Variants in ZEB2 observed in about 807,000 individuals in gnomAD.
ZEB2 encodes the protein zinc finger E-box-binding homeobox 2.
In ZEB2, 6 loss-of-function variants were observed where a neutral mutation model predicts 99.9. The ratio of observed to expected loss-of-function variants is 0.06; its 90% CI spans 0.03 to 0.12. ZEB2 has a LOEUF of 0.12. ZEB2 is among the 10% of genes least tolerant of loss of function. ZEB2 has a pLI of 1.00. For synonymous variants in ZEB2, 517 were observed against 542.5 expected (o/e 0.95, Z 0.65); for missense variants, 969 against 1,502.8 (o/e 0.64, Z 5.87).
intron 9 of ZEB2, among the ~76,000 whole-genome samples, chr2:144,392,387 C>T (rs914868824): frequency 3.3e-5 from 5 of 152,188 alleles, no homozygotes; most frequent in Admixed American, 2.0e-4. Context: ...TTTCAAGGCC[C>T]GTTAGCAATG....
intron 2 of ZEB2, among the ~76,000 whole-genome samples, chr2:144,460,121 A>G (rs1029387306): frequency 2.0e-5 from 3 of 152,154 alleles, no homozygotes; most frequent in African/African-American, 7.2e-5. Context: ...TCTGAATGCA[A>G]TTCTGGCTTT....
chr2:144,469,635 G>C (rs1357890231), intron 2 of ZEB2, among the ~76,000 whole-genome samples: 2 of 152,120 alleles, frequency 1.3e-5, no homozygotes, highest in African/African-American at 2.4e-5. Flanking sequence ...CCTTTGGGCT[G>C]TTATTTATAT....
At chr2:144,518,190 T>A (rs548073296) in intron 1 of ZEB2, 4 of 151,162 alleles carry the variant, frequency 2.6e-5, no homozygotes, top group Non-Finnish European at 5.9e-5. Context: ...CAGTAGAATT[T>A]TTTTTTTCCC....
Position 144,459,157 on chromosome 2 carries a change from T to C in ZEB2, c.74-29131A>G, listed in dbSNP as rs547158248. On this transcript the variant is annotated intron_variant, in intron 2 of 9. Transcript: ENST00000627532. ...CCATAACCCACGTCAGCCCAAGCTT[T>C]AAGCATTAGGTAGCTACTGGAGATC... 4.6e-5 allele frequency among the ~76,000 whole-genome samples: 7 copies of C among 152,320 alleles called. No individual in the cohort carries two copies. In the South Asian group the frequency reaches 1.4e-3, roughly 32 times the overall value.
chr2:144,408,485 A>G (rs1386693210), intron 4 of ZEB2, among the ~76,000 whole-genome samples: 1 of 152,216 alleles, frequency 6.6e-6, no homozygotes, highest in Non-Finnish European at 1.5e-5. Flanking sequence ...AATCATTTAA[A>G]TCCATTTGCT....
chr2:144,404,219 G>A, intron 5 of ZEB2, 89 bp from the exon 6 acceptor site: 7 of 1,427,028 alleles, frequency 4.9e-6, no homozygotes, highest in African/African-American at 1.4e-5. Context: ...GGGATGGTAT[G>A]ACAGGAATCA....
At chr2:144,466,116 G>C (rs919754236) in intron 2 of ZEB2, among the ~76,000 whole-genome samples, 1 of 152,122 alleles carries the variant, frequency 6.6e-6, no homozygotes, top group African/African-American at 2.4e-5. Flanking sequence ...TCTTCACAAG[G>C]TGCATCATTT....
chr2:144,459,997 G>T (rs1166717637), intron 2 of ZEB2, among the ~76,000 whole-genome samples: 3 of 152,098 alleles, frequency 2.0e-5, no homozygotes, highest in Non-Finnish European at 4.4e-5. Flanking sequence ...ATGAAGAAAG[G>T]TTACCCTCCG....
At chr2:144,516,222 A>ACCCC in intron 2 of ZEB2, 1 of 89,692 alleles carries the variant, frequency 1.1e-5, no homozygotes, top group African/African-American at 4.2e-5. Flanking sequence ...CAGCTCCCCC[A>ACCCC]CCCCCCCCCG....
At chr2:144,431,304 C>T (rs1703766763) in intron 2 of ZEB2, among the ~76,000 whole-genome samples, 1 of 152,012 alleles carries the variant, frequency 6.6e-6, no homozygotes, top group Admixed American at 6.6e-5. Context: ...TTGGAGAATT[C>T]TGGAAACATG....
rs1293023083 is a variant in ZEB2, at chr2:144,387,446, T to C, written c.*2005A>G. The C allele has an allele frequency of 6.6e-6, 1 of 152,190 alleles. No individual in the cohort carries two copies. Among genetic ancestry groups the C allele is most frequent in the Non-Finnish European group, 1.5e-5 (1 of 68,016 alleles). The allele number at this position is 152,190 out of a possible 1,614,324, so 9.4% of individuals were successfully genotyped here. A position where few individuals can be genotyped will look rare whatever the true frequency, so the allele number is the denominator to read the frequency against. ...TATTCTGAATATTAGGGTCATCTTG[T>C]AAAAACTGAAAAACTGTCTTAGAAA... On this transcript the variant is annotated 3_prime_UTR_variant, in exon 10 of 10. Coordinates refer to ENST00000627532, the MANE Select transcript of ZEB2 (RefSeq NM_014795.4).
rs1410917002 is a variant in ZEB2 at position 144,385,957 on chromosome 2, T to A, written c.*3494A>T. ...CCAGTCCAATTCATGCTAAGGAAGA[T>A]GTATGTTTTGTTTAGCTCTTGCGGA... On this transcript the variant is annotated 3_prime_UTR_variant, in exon 10 of 10. Coordinates refer to ENST00000627532, the MANE Select transcript of ZEB2 (RefSeq NM_014795.4). 6.6e-6 allele frequency: 1 copy of A among 152,174 alleles called. No homozygotes were observed. Among genetic ancestry groups the A allele is most frequent in the Non-Finnish European group, 1.5e-5 (1 of 68,034 alleles). The allele number at this position is 152,174 out of a possible 1,614,324, so 9.4% of individuals were successfully genotyped here.
At chr2:144,457,163 A>G (rs1704131757) in intron 2 of ZEB2, among the ~76,000 whole-genome samples, 1 of 152,182 alleles carries the variant, frequency 6.6e-6, no homozygotes. Flanking sequence ...CAGTTTGATT[A>G]TATAATAATA....
chr2:144,502,621 G>C (rs1337129907), intron 2 of ZEB2, among the ~76,000 whole-genome samples: 1 of 152,148 alleles, frequency 6.6e-6, no homozygotes, highest in Non-Finnish European at 1.5e-5. Context: ...AAGAAAACCT[G>C]AAGAGTGGAA....
At chr2:144,442,106 C>T (rs943752822) in intron 2 of ZEB2, among the ~76,000 whole-genome samples, 6 of 152,074 alleles carry the variant, frequency 3.9e-5, no homozygotes, top group Admixed American at 6.5e-5. Flanking sequence ...TGATAAACAA[C>T]GACATAAATT....
chr2:144,410,435 T>G (rs1338614602), intron 4 of ZEB2, among the ~76,000 whole-genome samples: 3 of 152,186 alleles, frequency 2.0e-5, no homozygotes, highest in Non-Finnish European at 4.4e-5. Flanking sequence ...ATAATAAATA[T>G]CAACATAGAC....
intron 4 of ZEB2, among the ~76,000 whole-genome samples, chr2:144,413,946 C>G (rs972197723): frequency 6.6e-6 from 1 of 152,182 alleles, no homozygotes; most frequent in East Asian, 1.9e-4. Context: ...AAAAAAAGTT[C>G]TTCTTTCCCC....
intron 4 of ZEB2, among the ~76,000 whole-genome samples, chr2:144,413,188 C>T (rs1268197269): frequency 1.3e-5 from 2 of 152,124 alleles, no homozygotes; most frequent in South Asian, 2.1e-4. Context: ...CTCAAAACAA[C>T]ACAGCTTTCT....
At chr2:144,408,819 A>T (rs981092033) in intron 4 of ZEB2, among the ~76,000 whole-genome samples, 2 of 152,202 alleles carry the variant, frequency 1.3e-5, no homozygotes, top group African/African-American at 2.4e-5. Context: ...AGCCAATCTC[A>T]GTCCTCTCTT....
Sources: allele counts gnomAD v4.1 joint callset (sites outside exome capture counted in the v4.1 genomes callset), GRCh38; gene constraint gnomAD v4.1.1; transcripts MANE v1.5; gene names NCBI Gene and HGNC (gene_info 2026-07-23, HGNC 2026-07-21).